LDAH: variants seen among roughly 807,000 people sequenced by gnomAD.
LDAH encodes the protein lipid droplet-associated hydrolase.
Under a neutral mutation model 29.6 loss-of-function variants are expected in LDAH, and 26 were observed. The ratio of observed to expected loss-of-function variants is 0.88; its 90% CI spans 0.64 to 1.22. The LOEUF (loss-of-function observed/expected upper bound fraction) is 1.22, where lower values mean the gene tolerates loss of function less well. Ranked by LOEUF, LDAH falls within the 50% of genes most tolerant of loss-of-function variation. The pLI is 0.00. For missense variants in LDAH, 344 were observed against 387.3 expected (o/e 0.89, Z 0.94); for synonymous variants, 117 against 133.0 (o/e 0.88, Z 0.83).
At chr2:20,801,178 G>A (rs993620428) in intron 2 of LDAH, 132 bp downstream of exon 2, 4 of 886,590 alleles carry the variant, frequency 4.5e-6, no homozygotes, top group African/African-American at 3.4e-5. Context: ...AAGGGTGGTT[G>A]TTAACAATGG....
intron 6 of LDAH, among the ~76,000 whole-genome samples, chr2:20,688,973 A>G (rs1379609890): frequency 6.6e-6 from 1 of 151,506 alleles, no homozygotes; most frequent in African/African-American, 2.4e-5. Flanking sequence ...ATTTCTCCTA[A>G]TGCTATCCCT....
chr2:20,754,873 G>T (rs1441647260), intron 4 of LDAH, among the ~76,000 whole-genome samples: 2 of 152,168 alleles, frequency 1.3e-5, no homozygotes, highest in Non-Finnish European at 2.9e-5. Flanking sequence ...GGCAATACCT[G>T]ATTCTCCAGA....
At chr2:20,718,299 TA>T (rs1665389662) in intron 5 of LDAH, among the ~76,000 whole-genome samples, 1 of 151,524 alleles carries the variant, frequency 6.6e-6, no homozygotes, top group Admixed American at 6.6e-5. Context: ...ACCCATAGAG[TA>T]AAAGTGAAGA....
At chr2:20,725,634 T>C (rs997546796) in intron 5 of LDAH, among the ~76,000 whole-genome samples, 2 of 152,218 alleles carry the variant, frequency 1.3e-5, no homozygotes, top group African/African-American at 4.8e-5. Context: ...AATTTTCATT[T>C]CCCTTGATTG....
intron 6 of LDAH, among the ~76,000 whole-genome samples, chr2:20,700,577 CCACTCAG>C (rs1663852868): frequency 6.6e-6 from 1 of 151,870 alleles, no homozygotes; most frequent in Non-Finnish European, 1.5e-5. Flanking sequence ...TGAGAGTTTG[CCACTCAG>C]CAGGGATCAT....
chr2:20,706,383 T>C (rs1664303015), intron 5 of LDAH, among the ~76,000 whole-genome samples: 1 of 152,210 alleles, frequency 6.6e-6, no homozygotes, highest in South Asian at 2.1e-4. Context: ...GAATGTGAGC[T>C]ACTTATCCTC....
At chr2:20,688,349 A>G (rs758523523) in intron 6 of LDAH, among the ~76,000 whole-genome samples, 25 of 152,190 alleles carry the variant, frequency 1.6e-4, no homozygotes, top group Non-Finnish European at 2.8e-4. Flanking sequence ...TGGCTGGAAT[A>G]TAGGGTGGTG....
At chr2:20,690,837 A>G (rs1040742268) in intron 6 of LDAH, among the ~76,000 whole-genome samples, 51 of 152,184 alleles carry the variant, frequency 3.4e-4, no homozygotes, top group African/African-American at 1.2e-3. Flanking sequence ...GGCCGAGAGC[A>G]ATGGCCAGGC....
intron 1 of LDAH, among the ~76,000 whole-genome samples, chr2:20,815,509 G>GA (rs1397144616): frequency 6.6e-6 from 1 of 151,764 alleles, no homozygotes; most frequent in Non-Finnish European, 1.5e-5. Context: ...TAAAAACAAA[G>GA]AAAAAAATCT....
At chr2:20,822,503 G>A (rs771102514) in intron 1 of LDAH, among the ~76,000 whole-genome samples, 1 of 152,148 alleles carries the variant, frequency 6.6e-6, no homozygotes, top group African/African-American at 2.4e-5. Flanking sequence ...GTAACTACTT[G>A]CGAGGGAAGA....
At chr2:20,818,897 T>C (rs1480333304) in intron 1 of LDAH, among the ~76,000 whole-genome samples, 2 of 152,148 alleles carry the variant, frequency 1.3e-5, no homozygotes, top group East Asian at 1.9e-4. Flanking sequence ...TCCTGCTTGA[T>C]GTGGTTGCGA....
At chr2:20,775,352 T>C (rs1430273769) in intron 3 of LDAH, among the ~76,000 whole-genome samples, 1 of 152,150 alleles carries the variant, frequency 6.6e-6, no homozygotes, top group African/African-American at 2.4e-5. Flanking sequence ...AACTTGAGCA[T>C]ACATCAGAAT....
At chr2:20,767,824 G>C (rs1669144905) in intron 4 of LDAH, among the ~76,000 whole-genome samples, 1 of 152,178 alleles carries the variant, frequency 6.6e-6, no homozygotes, top group Non-Finnish European at 1.5e-5. Context: ...GCAGAGCAGA[G>C]GACAGAGAGA....
At chr2:20,762,525 A>G (rs1668761673) in intron 4 of LDAH, among the ~76,000 whole-genome samples, 1 of 152,144 alleles carries the variant, frequency 6.6e-6, no homozygotes, top group South Asian at 2.1e-4. Context: ...ATGTAATAGT[A>G]ATAGTTAATT....
intron 1 of LDAH, among the ~76,000 whole-genome samples, chr2:20,805,602 C>T (rs1672011167): frequency 6.6e-6 from 1 of 152,124 alleles, no homozygotes; most frequent in Admixed American, 6.5e-5. Context: ...TTTTCATAAG[C>T]AGTAAGACTT....
chr2:20,762,191 T>A (rs750814130), intron 4 of LDAH, among the ~76,000 whole-genome samples: 8 of 152,158 alleles, frequency 5.3e-5, no homozygotes, highest in African/African-American at 7.2e-5. Context: ...GACATTAGGA[T>A]GTTTCCAATT....
intron 1 of LDAH, among the ~76,000 whole-genome samples, chr2:20,802,328 G>A (rs574633994): frequency 6.6e-6 from 1 of 152,162 alleles, no homozygotes; most frequent in Non-Finnish European, 1.5e-5. Flanking sequence ...CCAAAGTGCT[G>A]GGATTACAGG....
chr2:20,696,851 T>G (rs1663530037), intron 6 of LDAH, among the ~76,000 whole-genome samples: 1 of 152,124 alleles, frequency 6.6e-6, no homozygotes, highest in South Asian at 2.1e-4. Context: ...TTGGTTTATT[T>G]CATCCTGGTT....
At chr2:20,735,026 G>A (rs570763725) in intron 5 of LDAH, among the ~76,000 whole-genome samples, 7 of 152,252 alleles carry the variant, frequency 4.6e-5, no homozygotes, top group Non-Finnish European at 7.4e-5. Context: ...ATAATGTACC[G>A]CTTTGCTCTT....
Sources: allele counts gnomAD v4.1 joint callset (sites outside exome capture counted in the v4.1 genomes callset), GRCh38; gene constraint gnomAD v4.1.1; transcripts MANE v1.5; gene names NCBI Gene and HGNC (gene_info 2026-07-23, HGNC 2026-07-21).